Variants in MBD5 observed in about 807,000 individuals in gnomAD.
MBD5 encodes the protein methyl-CpG-binding domain protein 5.
Under a neutral mutation model 117.3 loss-of-function variants are expected in MBD5, and 13 were observed. The ratio of observed to expected loss-of-function variants is 0.11; its 90% confidence interval spans 0.07 to 0.18. MBD5 has a LOEUF of 0.18. Among genes scored for constraint, MBD5 ranks in the 10% least tolerant of loss-of-function variants. MBD5 has a pLI of 1.00. For synonymous variants in MBD5, 727 were observed against 766.4 expected, an observed-to-expected ratio of 0.95 and a Z score of 0.85; for missense variants, 1,879 against 2,093.8, an observed-to-expected ratio of 0.90 and a Z score of 2.00.
chr2:148,450,345 A>G (rs1706691378), intron 4 of MBD5, among the ~76,000 whole-genome samples: 2 of 152,214 alleles, frequency 1.3e-5, no homozygotes, highest in Admixed American at 1.3e-4. Context: ...TGTAGCCTCT[A>G]AATACTATGA....
At chr2:148,037,342 A>G (rs1352775039) in intron 1 of MBD5, among the ~76,000 whole-genome samples, 1 of 151,956 alleles carries the variant, frequency 6.6e-6, no homozygotes, top group Admixed American at 6.6e-5. Flanking sequence ...TGGTATTTTC[A>G]TATATTCATT....
At chr2:148,068,982 CTT>C (rs1485690926) in intron 1 of MBD5, among the ~76,000 whole-genome samples, 27 of 152,178 alleles carry the variant, frequency 1.8e-4, no homozygotes, top group Admixed American at 1.6e-3. Flanking sequence ...TTGAAAAACA[CTT>C]AGACTAAAAC....
At chr2:148,140,619 T>A (rs1697290090) in intron 1 of MBD5, among the ~76,000 whole-genome samples, 1 of 152,238 alleles carries the variant, frequency 6.6e-6, no homozygotes, top group Non-Finnish European at 1.5e-5. Flanking sequence ...TATCTAAAAC[T>A]TGAATTTTAA....
In MBD5 at chr2:148,482,711, T is replaced by C. The variant is rs1197677235; in HGVS notation, c.2519-399T>C. 2.0e-5 allele frequency among the ~76,000 whole-genome samples: 3 copies of C among 152,118 alleles called. No individual in the cohort carries two copies. In the East Asian group the frequency reaches 5.8e-4, roughly 29 times the overall value. On this transcript the variant is annotated intron_variant, in intron 8 of 13. Transcript: ENST00000642680. ...CAAATAACTTTTTTAATGAAAAAAATTTTTAAAATAAAACTACTGCTTTTA... is the reference window on the plus strand; with the variant it reads ...CAAATAACTTTTTTAATGAAAAAAACTTTTAAAATAAAACTACTGCTTTTA...
At chr2:148,487,180 A>G (rs1479816490) in intron 10 of MBD5, among the ~76,000 whole-genome samples, 1 of 152,240 alleles carries the variant, frequency 6.6e-6, no homozygotes, top group Non-Finnish European at 1.5e-5. Flanking sequence ...ATTGCAGAAC[A>G]GTACTTTTAA....
intron 4 of MBD5, among the ~76,000 whole-genome samples, chr2:148,402,327 G>A (rs1302823191): frequency 2.6e-5 from 4 of 151,540 alleles, no homozygotes; most frequent in Admixed American, 6.6e-5. Context: ...CTTTTATTAC[G>A]TGAAATTCTT....
At chr2:148,486,721 T>TA (rs1248414580) in intron 10 of MBD5, among the ~76,000 whole-genome samples, 1 of 152,090 alleles carries the variant, frequency 6.6e-6, no homozygotes, top group African/African-American at 2.4e-5. Flanking sequence ...GATAAAGTAT[T>TA]AAAAAACATG....
intron 1 of MBD5, among the ~76,000 whole-genome samples, chr2:148,155,831 C>T (rs754276553): frequency 6.6e-6 from 1 of 152,174 alleles, no homozygotes; most frequent in Non-Finnish European, 1.5e-5. Flanking sequence ...GTAATAAGCA[C>T]TTTGAGGGCA....
At chr2:148,192,685 T>C (rs1405072507) in intron 2 of MBD5, among the ~76,000 whole-genome samples, 1 of 132,652 alleles carries the variant, frequency 7.5e-6, no homozygotes, top group Non-Finnish European at 1.6e-5. Context: ...AACATTCCCT[T>C]TGAAAACTGG....
chr2:148,031,344 A>C (rs1306512770), intron 1 of MBD5, among the ~76,000 whole-genome samples: 5 of 152,270 alleles, frequency 3.3e-5, no homozygotes, highest in African/African-American at 1.2e-4. Context: ...CCTTGTAAAA[A>C]AAAAAGCAAT....
intron 4 of MBD5, among the ~76,000 whole-genome samples, chr2:148,402,685 C>A (rs1704960184): frequency 6.6e-6 from 1 of 152,168 alleles, no homozygotes; most frequent in East Asian, 1.9e-4. Context: ...TTTATTCTTG[C>A]CGTTACATAA....
intron 4 of MBD5, among the ~76,000 whole-genome samples, chr2:148,378,855 G>C (rs1200429272): frequency 1.3e-5 from 2 of 152,008 alleles, no homozygotes; most frequent in Non-Finnish European, 2.9e-5. Flanking sequence ...GCTTTCCATT[G>C]ACCAGTTTGG....
chr2:148,204,958 A>T (rs1466251682), intron 2 of MBD5, among the ~76,000 whole-genome samples: 1 of 152,126 alleles, frequency 6.6e-6, no homozygotes, highest in South Asian at 2.1e-4. Flanking sequence ...ACTATATATA[A>T]ATATAAATAT....
At chr2:148,082,220 C>T (rs1328737464) in intron 1 of MBD5, among the ~76,000 whole-genome samples, 2 of 152,164 alleles carry the variant, frequency 1.3e-5, no homozygotes, top group Admixed American at 1.3e-4. Context: ...TCTACAAGAC[C>T]TTTTGAATGC....
At chr2:148,153,791 C>T (rs1244673566) in intron 1 of MBD5, among the ~76,000 whole-genome samples, 4 of 137,874 alleles carry the variant, frequency 2.9e-5, no homozygotes, top group East Asian at 2.1e-4. Flanking sequence ...TCAGCTCCAT[C>T]AGCTCCTTTA....
chr2:148,501,236 T>A (rs1401844626), intron 11 of MBD5, among the ~76,000 whole-genome samples: 2 of 152,220 alleles, frequency 1.3e-5, no homozygotes, highest in African/African-American at 2.4e-5. Context: ...CATAGAGAAG[T>A]TATTTCTAAA....
intron 1 of MBD5, among the ~76,000 whole-genome samples, chr2:148,136,072 T>G (rs573031129): frequency 2.8e-4 from 43 of 152,298 alleles, no homozygotes; most frequent in African/African-American, 9.4e-4. Flanking sequence ...CAGTCTAGTA[T>G]TCATAGTGGG....
At chr2:148,344,168 T>C (rs565022130) in intron 4 of MBD5, among the ~76,000 whole-genome samples, 34 of 152,250 alleles carry the variant, frequency 2.2e-4, no homozygotes, top group Non-Finnish European at 4.0e-4. Context: ...GTTCCATTGA[T>C]CTATGCATCT....
At chr2:148,494,097 C>T (rs936270843) in intron 11 of MBD5, among the ~76,000 whole-genome samples, 3 of 152,154 alleles carry the variant, frequency 2.0e-5, no homozygotes, top group African/African-American at 7.2e-5. Flanking sequence ...ACCTCCTATC[C>T]TCTGCCCTTT....
Sources: allele counts gnomAD v4.1 joint callset (sites outside exome capture counted in the v4.1 genomes callset), GRCh38; gene constraint gnomAD v4.1.1; transcripts MANE v1.5; gene names NCBI Gene and HGNC (gene_info 2026-07-23, HGNC 2026-07-21).